Variants in SOS1 observed in about 807,000 individuals in gnomAD.
SOS1 encodes SOS Ras/Rac guanine nucleotide exchange factor 1.
SOS1 carries 25 observed loss-of-function variants against 157.6 expected under a neutral mutation model. That is an observed-to-expected ratio of 0.16 (90% CI 0.12 to 0.22). SOS1 has a LOEUF of 0.22. Among genes scored for constraint, SOS1 ranks in the 10% least tolerant of loss-of-function variants. The pLI is 1.00. For missense variants in SOS1, 1,237 were observed against 1,599.1 expected (o/e 0.77, Z 3.86); for synonymous variants, 528 against 534.0 (o/e 0.99, Z 0.16).
chr2:39,114,170 A>AC (rs1673554367), intron 1 of SOS1, among the ~76,000 whole-genome samples: 1 of 151,848 alleles, frequency 6.6e-6, no homozygotes, highest in African/African-American at 2.4e-5. Context: ...ATCATGGCTC[A>AC]CCTCAGCCTC....
At chr2:39,075,296 C>T (rs949755522) in intron 1 of SOS1, among the ~76,000 whole-genome samples, 2 of 151,938 alleles carry the variant, frequency 1.3e-5, no homozygotes, top group Admixed American at 1.3e-4. Flanking sequence ...CAAGAGTGAA[C>T]CACCAACTTA....
intron 20 of SOS1, among the ~76,000 whole-genome samples, chr2:38,994,233 ATTAAAG>A (rs994509204): frequency 1.3e-5 from 2 of 152,234 alleles, no homozygotes; most frequent in African/African-American, 2.4e-5. Flanking sequence ...AATAAAATGT[ATTAAAG>A]TTATTTTTGC....
At chr2:39,013,773 AC>A in intron 12 of SOS1, 93 bp downstream of exon 12, 1 of 1,069,792 alleles carries the variant, frequency 9.3e-7, no homozygotes, top group Admixed American at 1.8e-5. Flanking sequence ...TTTTATTGTC[AC>A]CCCTCTCCTT....
rs1455430725 is a variant in SOS1 at position 38,982,815 on chromosome 2, A to G, written c.*3009T>C. 1 of 152,188 alleles carries G rather than the reference A, an allele frequency of 6.6e-6. No individual in the cohort carries two copies. The highest frequency in any genetic ancestry group is 1.5e-5 in the Non-Finnish European group (1 of 68,018). 9.4% of individuals were successfully genotyped at this position (152,188 alleles called of 1,614,324 possible). On this transcript the variant is annotated 3_prime_UTR_variant, in exon 23 of 23. Coordinates refer to ENST00000402219, the MANE Select transcript of SOS1 (RefSeq NM_005633.4). ...AAATACCAACTAATTTTTGGTTTAC[A>G]TAAGGTAATTTTTGATTTATGGAGG...
intron 1 of SOS1, among the ~76,000 whole-genome samples, chr2:39,114,295 T>C (rs1167528751): frequency 6.6e-6 from 1 of 151,298 alleles, no homozygotes; most frequent in African/African-American, 2.4e-5. Flanking sequence ...TTTTTGTTCT[T>C]TTCTTTTTTT....
intron 1 of SOS1, among the ~76,000 whole-genome samples, chr2:39,112,042 C>A (rs564789364): frequency 6.6e-6 from 1 of 152,114 alleles, no homozygotes; most frequent in African/African-American, 2.4e-5. Flanking sequence ...TCTCTAATCA[C>A]ATCCCCTATC....
At chr2:39,094,599 G>A (rs1287403988) in intron 1 of SOS1, among the ~76,000 whole-genome samples, 2 of 152,078 alleles carry the variant, frequency 1.3e-5, no homozygotes, top group Non-Finnish European at 2.9e-5. Context: ...GCTGCAGTGA[G>A]CCGAGACTGT....
intron 1 of SOS1, among the ~76,000 whole-genome samples, chr2:39,092,928 A>G (rs1672643259): frequency 6.6e-6 from 1 of 152,228 alleles, no homozygotes. Flanking sequence ...GAAAATGATA[A>G]TTTACTTCTA....
intron 1 of SOS1, among the ~76,000 whole-genome samples, chr2:39,093,980 T>A (rs1672681647): frequency 6.6e-6 from 1 of 152,216 alleles, no homozygotes; most frequent in Non-Finnish European, 1.5e-5. Context: ...CTTAACTCTC[T>A]TCAAATATTG....
rs1028862688 is a variant in SOS1, at chr2:38,985,321, A to T, written c.*503T>A. ...TGATTTCAACAAGGTCAGGTACCACAGCCTTTCCTCACAGTCCTTTGAGTG... is the reference window on the plus strand; with the variant it reads ...TGATTTCAACAAGGTCAGGTACCACTGCCTTTCCTCACAGTCCTTTGAGTG... On this transcript the variant is annotated 3_prime_UTR_variant, in exon 23 of 23. Transcript: ENST00000402219. 17 of 183,750 alleles carry T rather than the reference A, an allele frequency of 9.3e-5. No individual in the cohort carries two copies. Among genetic ancestry groups the T allele is most frequent in the Admixed American group, 7.0e-4 (13 of 18,692 alleles). The allele number at this position is 183,750 out of a possible 1,614,324, so 11.4% of individuals were successfully genotyped here.
chr2:39,122,933 A>G (rs1284114604), upstream of SOS1, among the ~76,000 whole-genome samples: 1 of 152,168 alleles, frequency 6.6e-6, no homozygotes, highest in African/African-American at 2.4e-5. Flanking sequence ...CCTGTACCCC[A>G]AACTATTGCT....
intron 5 of SOS1, among the ~76,000 whole-genome samples, chr2:39,054,083 A>G (rs1456471686): frequency 1.3e-5 from 2 of 151,890 alleles, no homozygotes; most frequent in African/African-American, 4.8e-5. Context: ...GCTCGCCACC[A>G]CGCCCGGCTA....
intron 15 of SOS1, among the ~76,000 whole-genome samples, chr2:39,009,964 C>T (rs943839971): frequency 2.6e-5 from 4 of 152,034 alleles, no homozygotes; most frequent in African/African-American, 9.7e-5. Context: ...TCATTTTCAT[C>T]AACACTCAAT....
At chr2:39,088,631 C>T (rs1057442141) in intron 1 of SOS1, among the ~76,000 whole-genome samples, 3 of 152,154 alleles carry the variant, frequency 2.0e-5, no homozygotes, top group African/African-American at 7.2e-5. Flanking sequence ...TTTCAAGATT[C>T]GCCCATGCTG....
intron 1 of SOS1, among the ~76,000 whole-genome samples, chr2:39,102,156 G>C (rs1223738814): frequency 1.7e-5 from 2 of 120,692 alleles, no homozygotes; most frequent in Non-Finnish European, 3.2e-5. Flanking sequence ...AGTGAGCTGA[G>C]ATCATGCCAT....
At chr2:39,091,668 T>C (rs1277858425) in intron 1 of SOS1, among the ~76,000 whole-genome samples, 3 of 151,902 alleles carry the variant, frequency 2.0e-5, no homozygotes, top group Non-Finnish European at 4.4e-5. Context: ...GGCAGATTCC[T>C]CAAAAGGATC....
intron 1 of SOS1, among the ~76,000 whole-genome samples, chr2:39,095,989 T>C (rs972752473): frequency 2.0e-5 from 3 of 152,240 alleles, no homozygotes; most frequent in Admixed American, 6.5e-5. Context: ...TGTGGAGCTA[T>C]TTGGCTACCC....
intron 1 of SOS1, among the ~76,000 whole-genome samples, chr2:39,074,014 T>C (rs1232852485): frequency 6.6e-6 from 1 of 152,120 alleles, no homozygotes; most frequent in Admixed American, 6.6e-5. Flanking sequence ...CACTCTGAGG[T>C]TAAAAAACAA....
chr2:38,999,295 G>T (rs1669009796), intron 17 of SOS1, among the ~76,000 whole-genome samples: 1 of 152,182 alleles, frequency 6.6e-6, no homozygotes, highest in Non-Finnish European at 1.5e-5. Flanking sequence ...GGTGTGTGGG[G>T]TAGAGGAAGA....
Sources: allele counts gnomAD v4.1 joint callset (sites outside exome capture counted in the v4.1 genomes callset), GRCh38; gene constraint gnomAD v4.1.1; transcripts MANE v1.5; gene names NCBI Gene and HGNC (gene_info 2026-07-23, HGNC 2026-07-21).